The following CDH13 variants were observed in gnomAD, a reference collection of about 807,000 sequenced individuals.
The protein encoded by CDH13 is cadherin 13.
Under a neutral mutation model 63.8 loss-of-function variants are expected in CDH13, and 24 were observed. That is an observed-to-expected ratio of 0.38 (90% CI 0.27 to 0.53). CDH13 has a LOEUF of 0.53. CDH13 is among the 20% of genes least tolerant of loss of function. CDH13 has a pLI of 0.85. For missense variants in CDH13, 1,049 were observed against 903.1 expected (o/e 1.16, Z -2.07); for synonymous variants, 503 against 355.3 (o/e 1.42, Z -4.67).
chr16:82,627,337 C>CGTGCGTGCGTGTGTGTGTGTGT (rs1555525839), intron 1 of CDH13, among the ~76,000 whole-genome samples, 200 bp downstream of exon 1: 3 of 131,182 alleles, frequency 2.3e-5, no homozygotes, highest in Non-Finnish European at 4.9e-5. Flanking sequence ...CTCTGGCGTG[C>CGTGCGTGCGTGTGTGTGTGTGT]GTGTGTGTGT....
At chr16:83,198,062 G>A (rs923892615) in intron 4 of CDH13, among the ~76,000 whole-genome samples, 9 of 152,056 alleles carry the variant, frequency 5.9e-5, no homozygotes, top group East Asian at 5.8e-4. Context: ...AGGATTTATC[G>A]ACATTTTAGT....
chr16:83,356,372 A>C (rs1306774159), intron 6 of CDH13, among the ~76,000 whole-genome samples: 1 of 152,044 alleles, frequency 6.6e-6, no homozygotes, highest in Non-Finnish European at 1.5e-5. Context: ...GGTAACCTCA[A>C]ATAAAGCCAG....
chr16:82,772,141 C>T (rs2035293448), intron 1 of CDH13, among the ~76,000 whole-genome samples: 1 of 152,122 alleles, frequency 6.6e-6, no homozygotes, highest in Admixed American at 6.5e-5. Flanking sequence ...AGGAATTTTG[C>T]AATCTGGTTG....
chr16:83,012,606 T>C (rs1914276660), intron 2 of CDH13, among the ~76,000 whole-genome samples: 1 of 152,116 alleles, frequency 6.6e-6, no homozygotes. Flanking sequence ...AGATAACGGA[T>C]CACTTTAAGT....
rs534660427 is a variant in CDH13, at chr16:83,391,355, A to G, written c.781+46349A>G. Among the ~76,000 whole-genome samples, 507 of 151,704 alleles carry G rather than the reference A, an allele frequency of 3.3e-3. 4 individuals carry two copies. The highest frequency in any genetic ancestry group is 0.012 in the African/African-American group (487 of 41,354). ...CGAGTAGCTGGGATTACAGGTGCCT[A>G]CCACCACACCCAGCTAATTTTTGTA... On this transcript the variant is annotated intron_variant, in intron 6 of 13. Transcript: ENST00000567109.
At chr16:82,748,101 C>G (rs2034257186) in intron 1 of CDH13, among the ~76,000 whole-genome samples, 2 of 152,120 alleles carry the variant, frequency 1.3e-5, no homozygotes, top group South Asian at 2.1e-4. Flanking sequence ...CCCCAGTCTC[C>G]TATTTGACAG....
intron 1 of CDH13, among the ~76,000 whole-genome samples, chr16:82,725,982 G>T (rs1372671332): frequency 6.6e-6 from 1 of 152,112 alleles, no homozygotes; most frequent in Non-Finnish European, 1.5e-5. Flanking sequence ...GAAACCTTTG[G>T]TGCACAGAGG....
intron 3 of CDH13, among the ~76,000 whole-genome samples, chr16:83,115,588 C>T (rs1485021034): frequency 2.6e-5 from 4 of 152,248 alleles, no homozygotes; most frequent in African/African-American, 9.6e-5. Context: ...CAAATCCAGT[C>T]TTCTTACCTT....
At chr16:83,382,412 G>T (rs954426969) in intron 6 of CDH13, among the ~76,000 whole-genome samples, 1 of 152,076 alleles carries the variant, frequency 6.6e-6, no homozygotes, top group African/African-American at 2.4e-5. Context: ...TGCACGAACA[G>T]AACAAAGAAC....
chr16:82,784,780 CTT>C (rs1299805355), intron 1 of CDH13, among the ~76,000 whole-genome samples: 2 of 152,154 alleles, frequency 1.3e-5, no homozygotes. Context: ...GCAAAACAGA[CTT>C]AACCAGGCAG....
At chr16:83,240,573 C>T (rs1904327936) in intron 5 of CDH13, among the ~76,000 whole-genome samples, 2 of 150,760 alleles carry the variant, frequency 1.3e-5, no homozygotes, top group African/African-American at 4.9e-5. Context: ...TTGAAAGAGG[C>T]ATCAGAATTT....
At position 83,066,439 on chromosome 16, in the gene CDH13, C is replaced by T. The variant is rs1287734079; in HGVS notation, c.366+34221C>T. Among the ~76,000 whole-genome samples, 3 of 152,310 alleles carry T rather than the reference C, an allele frequency of 2.0e-5. 1 individual carries two copies. Among genetic ancestry groups the T allele is most frequent in the Admixed American group, 2.0e-4 (3 of 15,302 alleles). ...GCAACGAGTTGGTTGCCCAACCAAG[C>T]TGGGAGGCCTTCTGACCGAGGACCT... On this transcript the variant is annotated intron_variant, in intron 3 of 13. Transcript: ENST00000567109.
At chr16:83,423,513 G>A (rs2071781762) in intron 6 of CDH13, among the ~76,000 whole-genome samples, 1 of 150,290 alleles carries the variant, frequency 6.7e-6, no homozygotes. Context: ...AAGCAAGCAA[G>A]AAAAACCTCA....
chr16:83,171,331 C>G (rs2037907545), intron 4 of CDH13, among the ~76,000 whole-genome samples: 1 of 152,090 alleles, frequency 6.6e-6, no homozygotes, highest in South Asian at 2.1e-4. Context: ...AGGGATGGTC[C>G]TAAACCATTC....
intron 5 of CDH13, among the ~76,000 whole-genome samples, chr16:83,252,057 T>G (rs4782526): frequency 0.33 from 48,137 of 146,774 alleles, 8,384 homozygotes; most frequent in Admixed American, 0.45. Context: ...ACCTCTTTTT[T>G]AAATAAATAT....
intron 2 of CDH13, chr16:82,858,803 C>A (rs1288361826): frequency 7.8e-6 from 3 of 384,446 alleles, no homozygotes; most frequent in Admixed American, 4.3e-5. Context: ...TCCCCAAAAT[C>A]AAAATCATTG....
At chr16:83,049,418 T>A (rs1322135072) in intron 3 of CDH13, among the ~76,000 whole-genome samples, 1 of 144,676 alleles carries the variant, frequency 6.9e-6, no homozygotes, top group Non-Finnish European at 1.5e-5. Flanking sequence ...CACTGCAAGC[T>A]CCACCTCCTG....
At chr16:82,925,706 G>A (rs1424380401) in intron 2 of CDH13, among the ~76,000 whole-genome samples, 3 of 152,254 alleles carry the variant, frequency 2.0e-5, no homozygotes, top group Non-Finnish European at 2.9e-5. Flanking sequence ...GCCAGAAATG[G>A]CCCACAGCCC....
chr16:82,979,720 G>C (rs771811018), intron 2 of CDH13, among the ~76,000 whole-genome samples: 48 of 152,288 alleles, frequency 3.2e-4, no homozygotes, highest in South Asian at 1.9e-3. Flanking sequence ...CTATTAGCAG[G>C]ATGAGAACAG....
Sources: gnomAD v4.1 joint callset for allele counts (sites outside exome capture counted in the v4.1 genomes callset) on GRCh38, gnomAD v4.1.1 for gene constraint, MANE v1.5 for transcripts, NCBI Gene and HGNC (gene_info 2026-07-23, HGNC 2026-07-21) for gene names.